Variants in PTK7 observed in about 807,000 individuals in gnomAD.
PTK7 encodes the protein inactive tyrosine-protein kinase 7.
PTK7 carries 39 observed loss-of-function variants against 116.6 expected under a neutral mutation model. That is an observed-to-expected ratio of 0.33 (90% CI 0.26 to 0.44). The LOEUF is 0.44. Among genes scored for constraint, PTK7 ranks in the 20% least tolerant of loss-of-function variants. The probability of loss-of-function intolerance (pLI) is 1.00; values close to 1 mark genes in which losing one functional copy is unlikely to be tolerated. For missense variants in PTK7, 1,169 were observed against 1,425.6 expected (o/e 0.82, Z 2.90); for synonymous variants, 546 against 563.6 (o/e 0.97, Z 0.44).
chr6:43,144,883 T>C (rs1285416871), intron 15 of PTK7: 5 of 419,292 alleles, frequency 1.2e-5, no homozygotes, highest in Non-Finnish European at 2.1e-5. Flanking sequence ...ACCATTGTTC[T>C]AGGAAAAAAT....
intron 1 of PTK7, among the ~76,000 whole-genome samples, chr6:43,086,460 T>C (rs1252912533): frequency 2.0e-5 from 3 of 148,568 alleles, no homozygotes; most frequent in Non-Finnish European, 3.0e-5. Flanking sequence ...GGCGGGGCAA[T>C]GAGGGGAACG....
chr6:43,100,981 C>T (rs1266221501), intron 1 of PTK7, among the ~76,000 whole-genome samples: 1 of 151,932 alleles, frequency 6.6e-6, no homozygotes, highest in Admixed American at 6.6e-5. Flanking sequence ...GCCTGTAATC[C>T]CAGCACTTTG....
At position 43,131,997 on chromosome 6, in the gene PTK7, T is replaced by A; in HGVS notation, c.813-19T>A. The A allele has an allele frequency of 6.2e-7, 1 of 1,613,610 alleles. No homozygotes were observed. The highest frequency in any genetic ancestry group is 1.1e-5 in the South Asian group (1 of 91,054). The stretch of plus-strand genomic sequence containing the variant: ...GGCCTATTGGCCACTTTCTCCAAAT[T>A]GCACTCTCCCCTCTGCAGCCCCCCA... On this transcript the variant is annotated intron_variant, in intron 5 of 19. Coordinates refer to ENST00000230419, the MANE Select transcript of PTK7 (RefSeq NM_002821.5).
At chr6:43,084,163 C>T in intron 1 of PTK7, among the ~76,000 whole-genome samples, 1 of 152,192 alleles carries the variant, frequency 6.6e-6, no homozygotes, top group East Asian at 1.9e-4. Flanking sequence ...CAGGGTCTCA[C>T]TCTGTCACCC....
intron 5 of PTK7, 82 bp downstream of exon 5, chr6:43,130,743 G>C: frequency 6.6e-7 from 1 of 1,521,528 alleles, no homozygotes; most frequent in Non-Finnish European, 9.1e-7. Flanking sequence ...TTGTATCACA[G>C]ACATCACAGA....
intron 1 of PTK7, among the ~76,000 whole-genome samples, chr6:43,101,225 A>AAAAGAAAG (rs201965213): frequency 6.8e-6 from 1 of 146,256 alleles, no homozygotes; most frequent in African/African-American, 2.6e-5. Context: ...CAAAAAAAAA[A>AAAAGAAAG]AAAGAAAGAA....
chr6:43,111,837 CT>C lies in PTK7; in HGVS notation c.80-17123del, dbSNP rs34582469. Among the ~76,000 whole-genome samples, 1,299 of 137,106 alleles carry C rather than the reference CT, an allele frequency of 9.5e-3. 9 individuals carry two copies. Among genetic ancestry groups the C allele is most frequent in the African/African-American group, 0.02 (755 of 37,160 alleles). 89.9% of individuals were successfully genotyped at this position (137,106 alleles called of 152,430 possible). A position where few individuals can be genotyped will look rare whatever the true frequency, so the allele number is the denominator to read the frequency against. ...TGCATACCACCATGCCCAGCTAATT[CT>C]TTTTTTTTTTTTTTTTAATATTTAG... On this transcript the variant is annotated intron_variant, in intron 1 of 19. Transcript: ENST00000230419.
At chr6:43,093,499 A>G (rs542759671) in intron 1 of PTK7, among the ~76,000 whole-genome samples, 13 of 152,230 alleles carry the variant, frequency 8.5e-5, no homozygotes, top group Non-Finnish European at 1.6e-4. Context: ...AGAGAGGCAC[A>G]CAGTAAATGT....
chr6:43,144,270 C>A, intron 14 of PTK7, 181 bp from the exon 15 acceptor site: 2 of 689,574 alleles, frequency 2.9e-6, no homozygotes, highest in Non-Finnish European at 4.9e-6. Context: ...TAGGGGATAG[C>A]CATACATCCC....
At chr6:43,099,867 C>G (rs577675412) in intron 1 of PTK7, among the ~76,000 whole-genome samples, 1 of 151,822 alleles carries the variant, frequency 6.6e-6, no homozygotes, top group African/African-American at 2.4e-5. Flanking sequence ...TGCAGGAGTT[C>G]GAGACCAGCT....
intron 17 of PTK7, among the ~76,000 whole-genome samples, chr6:43,151,959 C>G (rs1469536182): frequency 6.6e-6 from 1 of 151,808 alleles, no homozygotes. Context: ...ATTCACCTGC[C>G]TGAACCTCCC....
chr6:43,160,528 C>A (rs1375493718), intron 19 of PTK7, among the ~76,000 whole-genome samples, 193 bp from the exon 20 acceptor site: 2 of 152,200 alleles, frequency 1.3e-5, no homozygotes, highest in African/African-American at 4.8e-5. Context: ...TATGCATGGA[C>A]CCCGTCCTAC....
chr6:43,123,927 G>C (rs1026790176), intron 1 of PTK7, among the ~76,000 whole-genome samples: 14 of 152,168 alleles, frequency 9.2e-5, no homozygotes, highest in Non-Finnish European at 1.8e-4. Context: ...CCCATTTCAC[G>C]GCAAAGAAGG....
At chr6:43,088,105 C>G (rs1333987626) in intron 1 of PTK7, among the ~76,000 whole-genome samples, 2 of 151,796 alleles carry the variant, frequency 1.3e-5, no homozygotes, top group Non-Finnish European at 2.9e-5. Context: ...TGAGACTAGC[C>G]TGGGGAACAT....
intron 1 of PTK7, among the ~76,000 whole-genome samples, chr6:43,126,383 C>T (rs1561962165): frequency 4.6e-5 from 7 of 152,160 alleles, no homozygotes. Flanking sequence ...CCACTGGGGA[C>T]TCAGTCTGAT....
At chr6:43,115,918 A>T (rs1582123631) in intron 1 of PTK7, among the ~76,000 whole-genome samples, 1 of 114,858 alleles carries the variant, frequency 8.7e-6, no homozygotes, top group Admixed American at 1.0e-4. Flanking sequence ...ACAGAACAAG[A>T]CTCCATCTCA....
intron 7 of PTK7, among the ~76,000 whole-genome samples, chr6:43,136,370 C>A (rs1206669878): frequency 6.6e-6 from 1 of 151,308 alleles, no homozygotes; most frequent in South Asian, 2.1e-4. Flanking sequence ...TGACTTGAAA[C>A]AACAAACAAC....
At chr6:43,115,531 C>CTG (rs1390099399) in intron 1 of PTK7, among the ~76,000 whole-genome samples, 2 of 152,078 alleles carry the variant, frequency 1.3e-5, no homozygotes, top group Non-Finnish European at 2.9e-5. Context: ...TTGATGGCTC[C>CTG]TGCAAGATCT....
chr6:43,116,641 T>TGCGC (rs1561954251), intron 1 of PTK7, among the ~76,000 whole-genome samples: 1 of 112,912 alleles, frequency 8.9e-6, no homozygotes, highest in African/African-American at 3.5e-5. Context: ...TGTGTGTGTG[T>TGCGC]GTGTGTGTGT....
Sources: allele counts gnomAD v4.1 joint callset (sites outside exome capture counted in the v4.1 genomes callset), GRCh38; gene constraint gnomAD v4.1.1; transcripts MANE v1.5; gene names NCBI Gene and HGNC (gene_info 2026-07-23, HGNC 2026-07-21).